Variants in TTC28 observed in about 807,000 individuals in gnomAD.
The protein encoded by TTC28 is tetratricopeptide repeat domain 28, also known as tetratricopeptide repeat protein 28.
In TTC28, 61 loss-of-function variants were observed where a neutral mutation model predicts 198.0. That is an observed-to-expected ratio of 0.31 (90% CI 0.25 to 0.38). The LOEUF is 0.38. Among genes scored for constraint, TTC28 ranks in the 10% least tolerant of loss-of-function variants. The probability of loss-of-function intolerance (pLI) is 1.00; values close to 1 mark genes in which losing one functional copy is unlikely to be tolerated. For missense variants in TTC28, 2,678 were observed against 3,164.0 expected (o/e 0.85, Z 3.69); for synonymous variants, 1,171 against 1,297.8 (o/e 0.90, Z 2.10).
Position 28,436,352 on chromosome 22 carries a change from A to C in TTC28, c.382-129709T>G, listed in dbSNP as rs117127467. On this transcript the variant is annotated intron_variant, in intron 2 of 22. Coordinates refer to ENST00000397906, the MANE Select transcript of TTC28 (RefSeq NM_001145418.2). ...CTGTGCCTATGCCCTCAAAACTTTA[A>C]ACTGATAGAGACAGACATACTGACA... Among the ~76,000 whole-genome samples the C allele has an allele frequency of 3.8e-3, 584 of 152,310 alleles. 28 individuals carry two copies. The East Asian group carries it at 0.084, about 22-fold the overall frequency.
At chr22:28,652,046 G>T (rs866864837) in intron 1 of TTC28, among the ~76,000 whole-genome samples, 2 of 149,640 alleles carry the variant, frequency 1.3e-5, no homozygotes, top group African/African-American at 4.9e-5. Flanking sequence ...CACCACATTG[G>T]CCAGGCTGGT....
intron 2 of TTC28, among the ~76,000 whole-genome samples, chr22:28,622,062 T>G (rs1256113871): frequency 3.9e-5 from 6 of 151,992 alleles, no homozygotes; most frequent in African/African-American, 1.5e-4. Context: ...TACTAACGAG[T>G]GAAGAGAAGC....
intron 2 of TTC28, among the ~76,000 whole-genome samples, chr22:28,570,915 G>A (rs1443901649): frequency 6.6e-6 from 1 of 152,106 alleles, no homozygotes; most frequent in African/African-American, 2.4e-5. Flanking sequence ...GGAATTCCTT[G>A]AGCCTTTGTA....
At chr22:28,540,170 T>A (rs182734501) in intron 2 of TTC28, among the ~76,000 whole-genome samples, 99 of 152,030 alleles carry the variant, frequency 6.5e-4, no homozygotes, top group Non-Finnish European at 5.0e-4. Context: ...ATGGTCTCTA[T>A]CTCCTGACCT....
chr22:28,405,364 GA>G (rs2046983755), intron 2 of TTC28, among the ~76,000 whole-genome samples: 1 of 152,164 alleles, frequency 6.6e-6, no homozygotes, highest in Non-Finnish European at 1.5e-5. Context: ...ATGTGCAAAT[GA>G]TTGCAATGGG....
intron 2 of TTC28, among the ~76,000 whole-genome samples, chr22:28,595,576 CACA>C (rs2050525507): frequency 1.3e-5 from 2 of 152,164 alleles, no homozygotes; most frequent in Admixed American, 6.5e-5. Context: ...CACAGCAAGA[CACA>C]ACAATGAATC....
chr22:28,112,946 C>T (rs1460318127), intron 6 of TTC28, among the ~76,000 whole-genome samples: 1 of 152,144 alleles, frequency 6.6e-6, no homozygotes, highest in African/African-American at 2.4e-5. Flanking sequence ...AGGTCTCCAC[C>T]TATGGGTCAA....
chr22:28,460,485 G>A (rs921932247), intron 2 of TTC28, among the ~76,000 whole-genome samples: 3 of 151,726 alleles, frequency 2.0e-5, no homozygotes, highest in Non-Finnish European at 4.4e-5. Flanking sequence ...GTACAGACCT[G>A]CAACTTGCTT....
At chr22:28,213,575 A>T (rs916947623) in intron 5 of TTC28, among the ~76,000 whole-genome samples, 1 of 112,614 alleles carries the variant, frequency 8.9e-6, no homozygotes, top group Non-Finnish European at 1.8e-5. Context: ...CTTACAAGGG[A>T]TGTGAAGGAC....
chr22:28,322,491 C>T (rs754706251), intron 2 of TTC28, among the ~76,000 whole-genome samples: 1 of 152,012 alleles, frequency 6.6e-6, no homozygotes, highest in Non-Finnish European at 1.5e-5. Flanking sequence ...TTATTTTGTG[C>T]CTAATTTTTG....
At chr22:28,227,694 T>C (rs1419561245) in intron 5 of TTC28, among the ~76,000 whole-genome samples, 5 of 151,890 alleles carry the variant, frequency 3.3e-5, no homozygotes, top group Admixed American at 2.0e-4. Context: ...TAGGATGTTA[T>C]TACAGATTTG....
intron 12 of TTC28, among the ~76,000 whole-genome samples, chr22:28,051,847 C>T (rs1231384792): frequency 6.6e-6 from 1 of 152,144 alleles, no homozygotes; most frequent in Non-Finnish European, 1.5e-5. Flanking sequence ...ACACAGTCTA[C>T]AGCGAATTTA....
chr22:28,490,269 C>T (rs756572912), intron 2 of TTC28, among the ~76,000 whole-genome samples: 6 of 152,186 alleles, frequency 3.9e-5, no homozygotes, highest in Non-Finnish European at 8.8e-5. Flanking sequence ...CTAGGTTACA[C>T]CAAAGTGATA....
intron 2 of TTC28, among the ~76,000 whole-genome samples, chr22:28,520,691 A>G (rs537929662): frequency 6.6e-6 from 1 of 152,160 alleles, no homozygotes; most frequent in South Asian, 2.1e-4. Flanking sequence ...CCAGTAGTTC[A>G]AGGCTGCAGT....
At position 28,185,446 on chromosome 22, in the gene TTC28, G is replaced by C. The variant is rs566241223; in HGVS notation, c.934-21847C>G. On this transcript the variant is annotated intron_variant, in intron 5 of 22. Transcript: ENST00000397906. ...AATTGTAATGGTATCCAAAATCATA[G>C]TCTGAGAAAATTAATACAACACAAA... is the stretch of plus-strand genomic sequence containing the variant. 1.1e-4 allele frequency among the ~76,000 whole-genome samples: 17 copies of C among 152,228 alleles called. 1 individual carries two copies. Among genetic ancestry groups the C allele is most frequent in the African/African-American group, 3.9e-4 (16 of 41,554 alleles).
At chr22:28,167,795 AAC>A (rs1302409183) in intron 5 of TTC28, among the ~76,000 whole-genome samples, 1 of 152,166 alleles carries the variant, frequency 6.6e-6, no homozygotes, top group Non-Finnish European at 1.5e-5. Context: ...ACTCCTATTC[AAC>A]ACAGTGTTGG....
chr22:28,304,971 ATTATTTAT>A (rs112686882), intron 3 of TTC28, among the ~76,000 whole-genome samples: 41 of 147,980 alleles, frequency 2.8e-4, no homozygotes, highest in East Asian at 5.9e-4. Flanking sequence ...TTGTTTATTT[ATTATTTAT>A]TTATTTATTT....
At chr22:28,026,759 C>T (rs920502495) in intron 13 of TTC28, among the ~76,000 whole-genome samples, 4 of 152,224 alleles carry the variant, frequency 2.6e-5, no homozygotes, top group Non-Finnish European at 4.4e-5. Flanking sequence ...AGAAGACTTA[C>T]TTCTTTGTCC....
chr22:28,548,925 C>A (rs1461945977), intron 2 of TTC28, among the ~76,000 whole-genome samples: 2 of 152,280 alleles, frequency 1.3e-5, no homozygotes, highest in Non-Finnish European at 1.5e-5. Flanking sequence ...CCTGACTTTA[C>A]CACTACAGTA....
Sources: allele counts gnomAD v4.1 joint callset (sites outside exome capture counted in the v4.1 genomes callset), GRCh38; gene constraint gnomAD v4.1.1; transcripts MANE v1.5; gene names NCBI Gene and HGNC (gene_info 2026-07-23, HGNC 2026-07-21).